The following MICAL3 variants were observed in gnomAD, a reference collection of about 807,000 sequenced individuals.
MICAL3 encodes the protein microtubule associated monooxygenase, calponin and LIM domain containing 3.
MICAL3 carries 62 observed loss-of-function variants against 207.4 expected under a neutral mutation model. The observed-to-expected ratio is 0.30, with a 90% CI of 0.24 to 0.37. The LOEUF is 0.37. Among genes scored for constraint, MICAL3 ranks in the 10% least tolerant of loss-of-function variants. The probability of loss-of-function intolerance (pLI) is 1.00; values close to 1 mark genes in which losing one functional copy is unlikely to be tolerated. For missense variants in MICAL3, 2,368 were observed against 2,635.6 expected, an observed-to-expected ratio of 0.90 and a Z score of 2.22; for synonymous variants, 1,077 against 1,069.3, an observed-to-expected ratio of 1.01 and a Z score of -0.14.
chr22:17,861,308 G>C, intron 19 of MICAL3: 1 of 984,116 alleles, frequency 1.0e-6, no homozygotes, highest in Non-Finnish European at 1.2e-6. Context: ...GGAATGTCTG[G>C]GGACAGGGGT....
chr22:17,860,762 T>C (rs920375136), intron 19 of MICAL3: 8 of 985,102 alleles, frequency 8.1e-6, no homozygotes, highest in African/African-American at 1.8e-5. Context: ...TGCTGCCCAT[T>C]TTCTGAGACA....
In MICAL3 at chr22:17,818,848, A is replaced by G. The variant is rs374896778; in HGVS notation, c.3813T>C (p.Thr1271=). 1.1e-5 allele frequency: 14 copies of G among 1,327,898 alleles called. No individual in the cohort carries two copies. The highest frequency in any genetic ancestry group is 1.4e-5 in the Non-Finnish European group (14 of 1,007,808). The allele number at this position is 1,327,898 out of a possible 1,614,324, so 82.3% of individuals were successfully genotyped here. ...CSQPQPSTEA[T]VPSPTQSPIR... ...TGGGGGACTGGGTAGGGGATGGGAC[A>G]GTGGCCTCGGTGGAAGGCTGGGGCT... The change falls in exon 26 of 32, where the codon ACT becomes ACC. Residue 1271 remains threonine, a synonymous_variant. Coordinates refer to ENST00000441493, the MANE Select transcript of MICAL3 (RefSeq NM_015241.3).
intron 19 of MICAL3, among the ~76,000 whole-genome samples, chr22:17,842,815 G>C (rs1372042220): frequency 6.6e-6 from 1 of 152,176 alleles, no homozygotes; most frequent in African/African-American, 2.4e-5. Context: ...CGTCACACCA[G>C]GTGATTTTAA....
chr22:17,901,427 C>A (rs1400680808), intron 5 of MICAL3, among the ~76,000 whole-genome samples: 1 of 152,088 alleles, frequency 6.6e-6, no homozygotes, highest in Non-Finnish European at 1.5e-5. Flanking sequence ...AATCCCAACA[C>A]CTTGGGAAAG....
In MICAL3 at chr22:17,906,627, G is replaced by T; in HGVS notation, c.186C>A (p.Ala62=). 6.2e-7 allele frequency: 1 copy of T among 1,613,962 alleles called. No homozygotes were observed. Reference sequence around the variant, plus strand: ...TGTCCAATTTTGCCCAGAGGGCTTTGGCTTTCCAGTAGTTAAGCTTGGACT... The same window carrying T: ...TGTCCAATTTTGCCCAGAGGGCTTTTGCTTTCCAGTAGTTAAGCTTGGACT... ...KLKSKLNYWK[A]KALWAKLDKR... is the part of the protein sequence containing the mutation. Residue 62 remains alanine (A), a synonymous_variant, in exon 2 of 32, where the codon GCC becomes GCA. Transcript: ENST00000441493.
Position 17,904,807 on chromosome 22 carries a change from G to A in MICAL3, c.297C>T (p.Leu99=). The stretch of plus-strand genomic sequence containing the variant: ...GTAAGGATAAGTCGATGGCTGTACG[G>A]AGACCACAGGGGCCAGCCCCAATGA... ...CLIIGAGPCG[L]RTAIDLSLLG... The change falls in exon 3 of 32, where the codon CTC becomes CTT. Residue 99 remains leucine, a synonymous_variant. Coordinates refer to ENST00000441493, the MANE Select transcript of MICAL3 (RefSeq NM_015241.3). 6.2e-7 allele frequency: 1 copy of A among 1,613,992 alleles called. No individual in the cohort carries two copies. Among genetic ancestry groups the A allele is most frequent in the Non-Finnish European group, 8.5e-7 (1 of 1,179,876 alleles).
chr22:17,876,735 C>CTTATGGAGGTTAGGGAGG (rs1928415768), intron 16 of MICAL3: 2 of 93,294 alleles, frequency 2.1e-5, no homozygotes, highest in South Asian at 8.1e-4. Context: ...GGTTAGGGAG[C>CTTATGGAGGTTAGGGAGG]TTATGGAGGT....
chr22:17,810,155 T>C (rs954851155), intron 28 of MICAL3, among the ~76,000 whole-genome samples: 1 of 150,088 alleles, frequency 6.7e-6, no homozygotes, highest in Admixed American at 6.7e-5. Context: ...CTCCACTTGC[T>C]GGGTTCATGC....
chr22:17,816,765 C>T lies in MICAL3; in HGVS notation c.5370G>A (p.Gln1790=). ...GGTCTGAGTCCTCGGAGAAGCTCAG[C>T]TGGCGCCGGAGCTGCAGCTCTGTGG... ...VVRAELQLRR[Q]LSFSEDSDLS... The change falls in exon 27 of 32, where the codon CAG becomes CAA. Residue 1790 remains glutamine, a synonymous_variant. Coordinates refer to ENST00000441493, the MANE Select transcript of MICAL3 (RefSeq NM_015241.3). 6.4e-7 allele frequency: 1 copy of T among 1,550,960 alleles called. No homozygotes were observed. The highest frequency in any genetic ancestry group is 8.7e-7 in the Non-Finnish European group (1 of 1,147,172).
At chr22:17,981,089 T>C (rs1014999440) in intron 1 of MICAL3, 6 of 302,484 alleles carry the variant, frequency 2.0e-5, no homozygotes, top group East Asian at 1.5e-4. Flanking sequence ...TGTATTTATA[T>C]GGACACATTT....
intron 3 of MICAL3, 136 bp downstream of exon 3, chr22:17,904,496 C>T: frequency 1.4e-6 from 1 of 720,554 alleles, no homozygotes; most frequent in South Asian, 1.6e-5. Flanking sequence ...AGTGCACTTA[C>T]TATAAGAAAG....
At chr22:17,921,640 G>A (rs773432305) in intron 1 of MICAL3, among the ~76,000 whole-genome samples, 14 of 151,996 alleles carry the variant, frequency 9.2e-5, no homozygotes, top group Non-Finnish European at 1.8e-4. Flanking sequence ...AGGCATGTGC[G>A]ACCACACCTG....
At chr22:17,912,492 T>C (rs1397610325) in intron 1 of MICAL3, among the ~76,000 whole-genome samples, 1 of 152,236 alleles carries the variant, frequency 6.6e-6, no homozygotes, top group Non-Finnish European at 1.5e-5. Flanking sequence ...TGTTCTCATT[T>C]ATCTTTTAAT....
intron 1 of MICAL3, among the ~76,000 whole-genome samples, chr22:17,959,257 C>A (rs548484738): frequency 6.6e-6 from 1 of 151,002 alleles, no homozygotes; most frequent in Non-Finnish European, 1.5e-5. Context: ...CCTTGTGATC[C>A]ACCCACCTCA....
chr22:17,899,361 G>T, intron 7 of MICAL3, 87 bp downstream of exon 7: 2 of 890,268 alleles, frequency 2.2e-6, no homozygotes, highest in Non-Finnish European at 3.7e-6. Flanking sequence ...TCATTCCCTT[G>T]CAGGAAAAAC....
chr22:17,993,558 A>G (rs942677053), intron 1 of MICAL3, among the ~76,000 whole-genome samples: 1 of 152,096 alleles, frequency 6.6e-6, no homozygotes, highest in Non-Finnish European at 1.5e-5. Flanking sequence ...CTTTTCCAGG[A>G]GCAGGGCAGC....
chr22:17,986,256 T>C (rs1442146658), intron 1 of MICAL3, among the ~76,000 whole-genome samples: 1 of 152,134 alleles, frequency 6.6e-6, no homozygotes, highest in Non-Finnish European at 1.5e-5. Flanking sequence ...CACAGTGGCT[T>C]ATGCGTGTAA....
At chr22:17,981,087 T>C in intron 1 of MICAL3, 2 of 305,420 alleles carry the variant, frequency 6.5e-6, no homozygotes, top group Non-Finnish European at 1.4e-5. Flanking sequence ...CATGTATTTA[T>C]ATGGACACAT....
intron 1 of MICAL3, among the ~76,000 whole-genome samples, chr22:17,917,543 C>A (rs1425175064): frequency 1.3e-5 from 2 of 152,226 alleles, no homozygotes; most frequent in African/African-American, 2.4e-5. Context: ...GCCTCCCCTA[C>A]TTCTGCTCCT....
Sources: allele counts gnomAD v4.1 joint callset (sites outside exome capture counted in the v4.1 genomes callset), GRCh38; gene constraint gnomAD v4.1.1; transcripts MANE v1.5; gene names NCBI Gene and HGNC (gene_info 2026-07-23, HGNC 2026-07-21).